The following SPON1 variants were observed in gnomAD, a reference collection of about 807,000 sequenced individuals.
SPON1 encodes spondin-1.
Under a neutral mutation model 111.7 loss-of-function variants are expected in SPON1, and 52 were observed. That is an observed-to-expected ratio of 0.47 (90% confidence interval 0.37 to 0.59). The LOEUF is 0.59. Among genes scored for constraint, SPON1 ranks in the 20% least tolerant of loss-of-function variants. SPON1 has a pLI of 0.00. For synonymous variants in SPON1, 410 were observed against 395.8 expected, an observed-to-expected ratio of 1.04 and a Z score of -0.43; for missense variants, 957 against 1,068.5, an observed-to-expected ratio of 0.90 and a Z score of 1.46.
At chr11:13,973,404 G>A (rs1481214749) in intron 1 of SPON1, among the ~76,000 whole-genome samples, 2 of 152,186 alleles carry the variant, frequency 1.3e-5, no homozygotes, top group Non-Finnish European at 2.9e-5. Context: ...TCCCAGCTAC[G>A]TTCTCTTGGC....
rs181056763 is a variant in SPON1 at position 14,084,496 on chromosome 11, G to A, written c.676+4475G>A. 5.1e-3 allele frequency among the ~76,000 whole-genome samples: 771 copies of A among 152,220 alleles called. 1 individual carries two copies. The highest frequency in any genetic ancestry group is 8.9e-3 in the Non-Finnish European group (607 of 68,022). Reference sequence around the variant, plus strand: ...CATGAACTCATTCTTTTTTATGGCTGCATAGTATTCCATGGTGTATATGTG... The same window carrying A: ...CATGAACTCATTCTTTTTTATGGCTACATAGTATTCCATGGTGTATATGTG... On this transcript the variant is annotated intron_variant, in intron 5 of 15. Transcript: ENST00000576479.
At chr11:14,220,716 C>G (rs1173891853) in intron 6 of SPON1, among the ~76,000 whole-genome samples, 1 of 152,174 alleles carries the variant, frequency 6.6e-6, no homozygotes, top group Non-Finnish European at 1.5e-5. Context: ...GAGCTGATGG[C>G]TGAATTGGAT....
At chr11:13,997,056 T>C (rs959037623) in intron 2 of SPON1, among the ~76,000 whole-genome samples, 3 of 152,178 alleles carry the variant, frequency 2.0e-5, no homozygotes, top group South Asian at 2.1e-4. Context: ...GCATCTGTAT[T>C]TGCTTATGAT....
At chr11:14,078,043 A>C (rs1848932296) in intron 4 of SPON1, among the ~76,000 whole-genome samples, 4 of 152,080 alleles carry the variant, frequency 2.6e-5, no homozygotes, top group Admixed American at 2.6e-4. Context: ...TGGTTGGCAG[A>C]CCCTGCCTGC....
chr11:14,173,924 T>C (rs1456155268), intron 6 of SPON1, among the ~76,000 whole-genome samples: 1 of 152,196 alleles, frequency 6.6e-6, no homozygotes, highest in African/African-American at 2.4e-5. Flanking sequence ...CCAGTTAGGC[T>C]ACTCGGGTGT....
intron 2 of SPON1, among the ~76,000 whole-genome samples, chr11:14,019,867 G>T (rs1283082165): frequency 6.6e-6 from 1 of 152,152 alleles, no homozygotes. Context: ...GGAGGATAGT[G>T]GGGGAAAACA....
At chr11:14,229,241 C>T (rs1554938403) in intron 6 of SPON1, among the ~76,000 whole-genome samples, 2 of 152,192 alleles carry the variant, frequency 1.3e-5, no homozygotes, top group African/African-American at 4.8e-5. Context: ...CTTTGCTAGA[C>T]ACCTGGTGGG....
chr11:14,223,509 A>G (rs960936140), intron 6 of SPON1, among the ~76,000 whole-genome samples: 10 of 152,390 alleles, frequency 6.6e-5, no homozygotes, highest in Admixed American at 2.0e-4. Context: ...ATACTTCACC[A>G]TAAATGGGGT....
chr11:14,192,927 G>A (rs992385607), intron 6 of SPON1, among the ~76,000 whole-genome samples: 1 of 152,150 alleles, frequency 6.6e-6, no homozygotes, highest in Admixed American at 6.5e-5. Flanking sequence ...AGGAATTCTC[G>A]GGGTAGAGTG....
chr11:14,150,301 T>A (rs1424116847), intron 6 of SPON1, among the ~76,000 whole-genome samples: 1 of 151,930 alleles, frequency 6.6e-6, no homozygotes, highest in East Asian at 1.9e-4. Context: ...TGTGGAATAG[T>A]GGTTACTGGA....
chr11:14,087,259 C>T lies in SPON1; in HGVS notation c.676+7238C>T, dbSNP rs574914998. Among the ~76,000 whole-genome samples, 74 of 152,252 alleles carry T rather than the reference C, an allele frequency of 4.9e-4. 1 individual carries two copies. The South Asian group carries it at 0.015, about 30-fold the overall frequency. ...GTTAGGGTATCGATTTTAGATCTTT[C>T]CTGCTTTCTGATGTGGGATTTTGTG... On this transcript the variant is annotated intron_variant, in intron 5 of 15. Coordinates refer to ENST00000576479, the MANE Select transcript of SPON1 (RefSeq NM_006108.4).
chr11:14,017,958 C>T (rs192049158), intron 2 of SPON1, among the ~76,000 whole-genome samples: 79 of 152,284 alleles, frequency 5.2e-4, no homozygotes, highest in African/African-American at 1.9e-3. Flanking sequence ...ATGAGCAGCT[C>T]AGTATTATTT....
chr11:14,115,991 AC>A (rs1455599364), intron 5 of SPON1, among the ~76,000 whole-genome samples: 23 of 152,204 alleles, frequency 1.5e-4, no homozygotes, highest in African/African-American at 5.5e-4. Flanking sequence ...TTTGATTTGT[AC>A]TTTTTTGAAT....
At chr11:14,088,027 T>C (rs182446794) in intron 5 of SPON1, among the ~76,000 whole-genome samples, 31 of 152,330 alleles carry the variant, frequency 2.0e-4, no homozygotes, top group African/African-American at 7.5e-4. Context: ...TGTGTGCCTT[T>C]GCATGTGAGA....
chr11:14,060,060 T>C (rs1848779848), intron 3 of SPON1, among the ~76,000 whole-genome samples: 1 of 152,160 alleles, frequency 6.6e-6, no homozygotes, highest in Admixed American at 6.5e-5. Flanking sequence ...CTTTACATTT[T>C]TAAAAGTAAT....
At chr11:14,075,303 C>G in intron 3 of SPON1, 42 bp from the exon 4 acceptor site, 1 of 1,500,860 alleles carries the variant, frequency 6.7e-7, no homozygotes, top group Non-Finnish European at 9.1e-7. Flanking sequence ...ACCTGCCTTC[C>G]TGCCCTCCTC....
intron 1 of SPON1, among the ~76,000 whole-genome samples, chr11:13,980,915 A>G (rs1362873933): frequency 6.6e-6 from 1 of 152,076 alleles, no homozygotes; most frequent in African/African-American, 2.4e-5. Flanking sequence ...TGACCTTTCT[A>G]TGTTTTACTT....
chr11:14,169,953 G>C (rs1554932264), intron 6 of SPON1, among the ~76,000 whole-genome samples: 1 of 152,106 alleles, frequency 6.6e-6, no homozygotes, highest in African/African-American at 2.4e-5. Flanking sequence ...TTGTTCTTTT[G>C]GCTTAGGATT....
At chr11:14,112,991 T>C (rs1191007210) in intron 5 of SPON1, among the ~76,000 whole-genome samples, 2 of 152,238 alleles carry the variant, frequency 1.3e-5, no homozygotes, top group Non-Finnish European at 2.9e-5. Context: ...CTGTCTAGTC[T>C]TTAACCTCAG....
Sources: allele counts gnomAD v4.1 joint callset (sites outside exome capture counted in the v4.1 genomes callset), GRCh38; gene constraint gnomAD v4.1.1; transcripts MANE v1.5; gene names NCBI Gene and HGNC (gene_info 2026-07-23, HGNC 2026-07-21).